The following EMILIN2 variants were observed in gnomAD, a reference collection of about 807,000 sequenced individuals.
EMILIN2 encodes EMILIN-2.
Under a neutral mutation model 87.1 loss-of-function variants are expected in EMILIN2, and 71 were observed. The ratio of observed to expected loss-of-function variants is 0.82; its 90% CI spans 0.67 to 0.99. The LOEUF (loss-of-function observed/expected upper bound fraction) is 0.99. Ranked by LOEUF, EMILIN2 falls within the 50% of genes least tolerant of loss-of-function variation. EMILIN2 has a pLI of 0.00. For synonymous variants in EMILIN2, 581 were observed against 563.4 expected (o/e 1.03, Z -0.44); for missense variants, 1,407 against 1,371.8 (o/e 1.03, Z -0.40).
rs2076582666 is a variant in EMILIN2 at position 2,847,755 on chromosome 18, C to T, written c.135-54C>T. ...GCCGCAGTCCCCTCTCCCCTGGCCT[C>T]ATTGTTCTCCGGGTTTACCCCGTGC... On this transcript the variant is annotated intron_variant, in intron 1 of 7. Transcript: ENST00000254528. The surrounding 1 kb of genome is among the most constrained non-coding windows in gnomAD (Gnocchi z 4.5). 12 of 1,597,760 alleles carry T rather than the reference C, an allele frequency of 7.5e-6. No individual in the cohort carries two copies. Among genetic ancestry groups the T allele is most frequent in the African/African-American group, 1.3e-5 (1 of 74,754 alleles).
At chr18:2,912,032 CTTTTTTT>C (rs35260656) in intron 7 of EMILIN2, among the ~76,000 whole-genome samples, 15 of 73,150 alleles carry the variant, frequency 2.1e-4, no homozygotes, top group Non-Finnish European at 1.6e-4. Flanking sequence ...CTGACAACCA[CTTTTTTT>C]TTTTTTTTTT....
chr18:2,885,585 C>T (rs1183578461), intron 3 of EMILIN2, among the ~76,000 whole-genome samples: 1 of 152,192 alleles, frequency 6.6e-6, no homozygotes, highest in African/African-American at 2.4e-5. Flanking sequence ...GTGGCGCAAT[C>T]TCGGTTCACT....
intron 2 of EMILIN2, among the ~76,000 whole-genome samples, chr18:2,867,687 G>A (rs1001138461): frequency 1.2e-4 from 19 of 152,224 alleles, no homozygotes; most frequent in Non-Finnish European, 5.9e-5. Context: ...AGATCAACAG[G>A]ATCCCAAGGC....
Position 2,880,251 on chromosome 18 carries a change from G to A in EMILIN2, c.258-4713G>A, listed in dbSNP as rs553111179. Among the ~76,000 whole-genome samples, 16 of 152,250 alleles carry A rather than the reference G, an allele frequency of 1.1e-4. No individual in the cohort carries two copies. The South Asian group carries it at 3.1e-3, about 30-fold the overall frequency. On this transcript the variant is annotated intron_variant, in intron 2 of 7. Transcript: ENST00000254528. This position sits in a 1 kb window ranked among gnomAD's most constrained non-coding sequence, Gnocchi z 4.1. ...GACACTTCCAGTCATATGGTCCCTG[G>A]ACGCTGACACAACTTTTCCAGGACT...
intron 2 of EMILIN2, among the ~76,000 whole-genome samples, chr18:2,864,153 T>A (rs1173245985): frequency 7.9e-5 from 12 of 152,168 alleles, no homozygotes; most frequent in South Asian, 2.1e-4. Context: ...CAGCACACTG[T>A]TGGGTCTTGA....
chr18:2,871,803 G>A (rs572792002), intron 2 of EMILIN2, among the ~76,000 whole-genome samples: 1 of 152,328 alleles, frequency 6.6e-6, no homozygotes, highest in East Asian at 1.9e-4. Context: ...GGGCAATGGA[G>A]TCCATTATTA....
rs79064232 is a variant in EMILIN2 at position 2,890,014 on chromosome 18, A to G, written c.434-547A>G. Reference sequence around the variant, plus strand: ...AGAGATGTTAATGAAAGTAAAGGACAAAACATTCAGGCACTGCTTTGAGGA... The same window carrying G: ...AGAGATGTTAATGAAAGTAAAGGACGAAACATTCAGGCACTGCTTTGAGGA... On this transcript the variant is annotated intron_variant, in intron 3 of 7. Coordinates refer to ENST00000254528, the MANE Select transcript of EMILIN2 (RefSeq NM_032048.3). The surrounding 1 kb of genome is among the most constrained non-coding windows in gnomAD (Gnocchi z 4.7). Among the ~76,000 whole-genome samples the G allele has an allele frequency of 3.6e-3, 551 of 152,310 alleles. 6 individuals carry two copies. Among genetic ancestry groups the G allele is most frequent in the African/African-American group, 0.012 (506 of 41,574 alleles).
chr18:2,847,276 G>T lies in EMILIN2; in HGVS notation c.88G>T (p.Ala30Ser). ...CCTGGTTGGCGCGGGGCTGTGCCAC[G>T]CCGGCCCGCAGCCCGGGTATCCCGC... is the stretch of plus-strand genomic sequence containing the variant. ...LALVGAGLCHAGPQPGYPARP... is the reference protein window; with the variant it reads ...LALVGAGLCHSGPQPGYPARP... Residue 30 changes from alanine (A) to serine (S), a missense_variant, in exon 1 of 8, where the codon GCC becomes TCC. Physicochemically the swap from Ala to Ser is moderately conservative, Grantham distance 99. Coordinates refer to ENST00000254528, the MANE Select transcript of EMILIN2 (RefSeq NM_032048.3). The surrounding 1 kb of genome is among the most constrained non-coding windows in gnomAD (Gnocchi z 4.5). 7.6e-7 allele frequency: 1 copy of T among 1,316,424 alleles called. No homozygotes were observed. Among genetic ancestry groups the T allele is most frequent in the Non-Finnish European group, 9.7e-7 (1 of 1,036,022 alleles). 81.5% of individuals were successfully genotyped at this position (1,316,424 alleles called of 1,614,324 possible).
chr18:2,913,648 T>TTTTAAA lies in EMILIN2; in HGVS notation c.*244_*245insTTTAAA. The TTTTAAA allele has an allele frequency of 4.2e-6, 2 of 479,940 alleles. No homozygotes were observed. The highest frequency in any genetic ancestry group is 5.5e-5 in the South Asian group (2 of 36,608). 29.7% of individuals were successfully genotyped at this position (479,940 alleles called of 1,614,324 possible). ...ACTCTAACTGGACAACTGGAAGACT[T>TTTTAAA]GGAAAGGCCTCCACCTGTATCTACA... On this transcript the variant is annotated 3_prime_UTR_variant, in exon 8 of 8. Transcript: ENST00000254528.
chr18:2,910,984 G>A (rs2076937864), intron 7 of EMILIN2, among the ~76,000 whole-genome samples: 1 of 152,214 alleles, frequency 6.6e-6, no homozygotes, highest in Non-Finnish European at 1.5e-5. Context: ...CCTCTGCTCA[G>A]AGTGGCAGTG....
At chr18:2,904,986 T>C (rs1184632371) in intron 4 of EMILIN2, among the ~76,000 whole-genome samples, 1 of 152,204 alleles carries the variant, frequency 6.6e-6, no homozygotes, top group African/African-American at 2.4e-5. Flanking sequence ...ACTGGTATCT[T>C]ACTCCTATCT....
chr18:2,896,097 G>A (rs763433017), intron 4 of EMILIN2, among the ~76,000 whole-genome samples: 10 of 151,992 alleles, frequency 6.6e-5, no homozygotes, highest in Non-Finnish European at 1.5e-4. Context: ...ATAGATCTAA[G>A]TCTCTTTTAT....
intron 6 of EMILIN2, 54 bp downstream of exon 6, chr18:2,909,029 G>T: frequency 1.2e-6 from 2 of 1,602,824 alleles, no homozygotes; most frequent in South Asian, 1.1e-5. Context: ...GGTGGCCTCT[G>T]CCCCTCCTCT....
rs1024673393 is a variant in EMILIN2 at position 2,880,427 on chromosome 18, A to G, written c.258-4537A>G. On this transcript the variant is annotated intron_variant, in intron 2 of 7. Coordinates refer to ENST00000254528, the MANE Select transcript of EMILIN2 (RefSeq NM_032048.3). The surrounding 1 kb of genome is among the most constrained non-coding windows in gnomAD (Gnocchi z 4.1). ...GGCGGGCAAAGGAGACTTGGCTGGA[A>G]TGGGGGAGAGTTCACAGGGGCGAGG... 6.6e-6 allele frequency among the ~76,000 whole-genome samples: 1 copy of G among 152,182 alleles called. No homozygotes were observed. Among genetic ancestry groups the G allele is most frequent in the Non-Finnish European group, 1.5e-5 (1 of 68,028 alleles).
intron 2 of EMILIN2, among the ~76,000 whole-genome samples, chr18:2,864,360 G>C (rs1158731941): frequency 1.3e-5 from 2 of 152,218 alleles, no homozygotes; most frequent in African/African-American, 4.8e-5. Context: ...GGCTGGTACC[G>C]GTTGTTCCTT....
intron 2 of EMILIN2, among the ~76,000 whole-genome samples, chr18:2,859,135 A>ACC (rs1165307631): frequency 6.7e-6 from 1 of 150,244 alleles, no homozygotes; most frequent in African/African-American, 2.5e-5. Flanking sequence ...TCTTTAAGGA[A>ACC]CCCCCATGCT....
chr18:2,888,331 C>G (rs35508544), intron 3 of EMILIN2, among the ~76,000 whole-genome samples: 20,869 of 152,168 alleles, frequency 0.14, 1,648 homozygotes, highest in South Asian at 0.32. Context: ...AATCTTCCCC[C>G]CTTTGCCGCC....
chr18:2,867,866 T>C (rs1314321352), intron 2 of EMILIN2, among the ~76,000 whole-genome samples: 1 of 151,856 alleles, frequency 6.6e-6, no homozygotes, highest in Non-Finnish European at 1.5e-5. Context: ...AGCTGTTGGG[T>C]ACACCTCCCA....
chr18:2,866,841 G>T (rs1446498783), intron 2 of EMILIN2, among the ~76,000 whole-genome samples: 1 of 152,178 alleles, frequency 6.6e-6, no homozygotes, highest in Admixed American at 6.5e-5. Context: ...GTTTGTCATA[G>T]ATGGCTTTTA....
Sources: gnomAD v4.1 joint callset for allele counts (sites outside exome capture counted in the v4.1 genomes callset) on GRCh38, gnomAD v4.1.1 for gene constraint, Gnocchi (gnomAD v3.1) non-coding constraint, MANE v1.5 for transcripts, NCBI Gene and HGNC (gene_info 2026-07-23, HGNC 2026-07-21) for gene names.